Variants in TCF12 observed in about 807,000 individuals in gnomAD.
TCF12 encodes DNA-binding protein HTF4.
TCF12 carries 45 observed loss-of-function variants against 86.0 expected under a neutral mutation model. That is an observed-to-expected ratio of 0.52 (90% CI 0.41 to 0.67). TCF12 has a LOEUF of 0.67. Among genes scored for constraint, TCF12 ranks in the 30% least tolerant of loss-of-function variants. TCF12 has a pLI of 0.00. For missense variants in TCF12, 881 were observed against 859.9 expected (o/e 1.02, Z -0.31); for synonymous variants, 330 against 299.6 (o/e 1.10, Z -1.05).
chr15:57,027,457 C>T (rs1381929433), intron 3 of TCF12, among the ~76,000 whole-genome samples: 1 of 152,016 alleles, frequency 6.6e-6, no homozygotes, highest in Non-Finnish European at 1.5e-5. Flanking sequence ...TTTGGCCATT[C>T]GTTCGTTGAT....
chr15:57,083,628 A>G (rs1414810159), intron 4 of TCF12, among the ~76,000 whole-genome samples: 1 of 152,102 alleles, frequency 6.6e-6, no homozygotes, highest in Non-Finnish European at 1.5e-5. Flanking sequence ...TCTGCTTCCC[A>G]TGCTGGAATG....
intron 18 of TCF12, among the ~76,000 whole-genome samples, chr15:57,269,309 G>A (rs1421817405): frequency 7.0e-6 from 1 of 141,896 alleles, no homozygotes; most frequent in Non-Finnish European, 1.5e-5. Context: ...GATCTTTGTT[G>A]GTTGAAAGTC....
intron 3 of TCF12, among the ~76,000 whole-genome samples, chr15:56,988,930 A>T (rs1334608954): frequency 6.6e-6 from 1 of 152,166 alleles, no homozygotes; most frequent in African/African-American, 2.4e-5. Context: ...AATTTAAGTA[A>T]TTGATATTTT....
chr15:57,069,200 G>A (rs888283171), intron 4 of TCF12, among the ~76,000 whole-genome samples: 1 of 152,100 alleles, frequency 6.6e-6, no homozygotes, highest in Non-Finnish European at 1.5e-5. Context: ...TACAGAGTTG[G>A]TCATTCCTTA....
rs140981604 is a variant in TCF12, at chr15:57,138,146, G to T, written c.326-28256G>T. Reference sequence around the variant, plus strand: ...GAGAACAAAGACAGGCAAAAGAGAAGAATTTCCAGTTTTTCCATTTTACTT... The same window carrying T: ...GAGAACAAAGACAGGCAAAAGAGAATAATTTCCAGTTTTTCCATTTTACTT... On this transcript the variant is annotated intron_variant, in intron 5 of 20. Transcript: ENST00000333725. Among the ~76,000 whole-genome samples the T allele has an allele frequency of 8.3e-4, 127 of 152,292 alleles. 1 individual carries two copies. In the East Asian group the frequency reaches 0.023, roughly 28 times the overall value.
At chr15:56,959,507 CTG>C (rs771450031) in intron 3 of TCF12, among the ~76,000 whole-genome samples, 2 of 152,184 alleles carry the variant, frequency 1.3e-5, no homozygotes, top group African/African-American at 2.4e-5. Context: ...TTGATGACAA[CTG>C]TTGAGGTGCT....
intron 5 of TCF12, among the ~76,000 whole-genome samples, chr15:57,128,996 G>A (rs776608954): frequency 6.6e-6 from 1 of 152,088 alleles, no homozygotes; most frequent in Non-Finnish European, 1.5e-5. Flanking sequence ...CTGTGTATTT[G>A]CTGTACAAGT....
chr15:57,142,894 A>G (rs977462088), intron 5 of TCF12, among the ~76,000 whole-genome samples: 31 of 152,246 alleles, frequency 2.0e-4, no homozygotes, highest in Non-Finnish European at 1.0e-4. Context: ...AAGCTACAGT[A>G]TGAAGGATAT....
chr15:56,922,660 G>C (rs2059844061), intron 3 of TCF12, among the ~76,000 whole-genome samples: 1 of 151,984 alleles, frequency 6.6e-6, no homozygotes, highest in Admixed American at 6.5e-5. Context: ...GTTATCCATT[G>C]AAAGGTTTGA....
intron 5 of TCF12, among the ~76,000 whole-genome samples, chr15:57,136,305 C>A (rs2052515862): frequency 6.6e-6 from 1 of 152,138 alleles, no homozygotes; most frequent in Non-Finnish European, 1.5e-5. Flanking sequence ...TTTGCTGTGT[C>A]AAAAAACACT....
At chr15:57,176,709 T>C (rs1402388485) in intron 6 of TCF12, among the ~76,000 whole-genome samples, 1 of 152,198 alleles carries the variant, frequency 6.6e-6, no homozygotes, top group Non-Finnish European at 1.5e-5. Context: ...GTTGAAGTAC[T>C]AGACCAGGTT....
chr15:57,177,922 G>A (rs2056071414), intron 6 of TCF12, among the ~76,000 whole-genome samples: 1 of 151,984 alleles, frequency 6.6e-6, no homozygotes, highest in African/African-American at 2.4e-5. Context: ...TGTTGCCCAG[G>A]CTGCATTCAT....
At chr15:56,938,152 T>C (rs759990756) in intron 3 of TCF12, among the ~76,000 whole-genome samples, 3 of 151,478 alleles carry the variant, frequency 2.0e-5, no homozygotes, top group Non-Finnish European at 4.4e-5. Flanking sequence ...CTTCTTTTTT[T>C]TTGTTTCTTT....
intron 5 of TCF12, among the ~76,000 whole-genome samples, chr15:57,092,703 A>G (rs1362718739): frequency 1.3e-5 from 2 of 152,154 alleles, no homozygotes; most frequent in Non-Finnish European, 2.9e-5. Context: ...GGGGCTGAAA[A>G]TATTACAAAA....
chr15:57,262,977 C>G (rs2060659049), intron 17 of TCF12, 135 bp from the exon 18 acceptor site: 1 of 840,312 alleles, frequency 1.2e-6, no homozygotes, highest in Non-Finnish European at 1.8e-6. Context: ...GTATACTTTC[C>G]TACATCTTCA....
At chr15:56,990,714 T>A (rs2063411501) in intron 3 of TCF12, among the ~76,000 whole-genome samples, 1 of 152,192 alleles carries the variant, frequency 6.6e-6, no homozygotes, top group Non-Finnish European at 1.5e-5. Flanking sequence ...TCTGAAATAC[T>A]GCTGAGCTTT....
At chr15:57,081,247 T>G (rs749067687) in intron 4 of TCF12, among the ~76,000 whole-genome samples, 13 of 152,218 alleles carry the variant, frequency 8.5e-5, no homozygotes, top group Non-Finnish European at 4.4e-5. Context: ...AGCCTGTCAT[T>G]GAGCCATTCA....
chr15:57,145,569 G>T (rs1191376910), intron 5 of TCF12, among the ~76,000 whole-genome samples: 1 of 151,930 alleles, frequency 6.6e-6, no homozygotes, highest in East Asian at 1.9e-4. Flanking sequence ...GAAGTTTCTT[G>T]GTCACCCATA....
At chr15:57,281,780 C>T (rs2061702860) in intron 19 of TCF12, 1 of 152,748 alleles carries the variant, frequency 6.5e-6, no homozygotes, top group East Asian at 1.9e-4. Context: ...TCAGGGCTCC[C>T]ACTGACTTAA....
Sources: gnomAD v4.1 joint callset for allele counts (sites outside exome capture counted in the v4.1 genomes callset) on GRCh38, gnomAD v4.1.1 for gene constraint, MANE v1.5 for transcripts, NCBI Gene and HGNC (gene_info 2026-07-23, HGNC 2026-07-21) for gene names.